The following TMEM170B variants were observed in gnomAD, a reference collection of about 807,000 sequenced individuals.
TMEM170B encodes transmembrane protein 170B.
Under a neutral mutation model 13.0 loss-of-function variants are expected in TMEM170B, and 6 were observed. That is an observed-to-expected ratio of 0.46 (90% CI 0.25 to 0.91). The LOEUF is 0.91. TMEM170B is among the 40% of genes least tolerant of loss of function. TMEM170B has a pLI of 0.17. For synonymous variants in TMEM170B, 61 were observed against 64.9 expected (o/e 0.94, Z 0.29); for missense variants, 138 against 165.2 (o/e 0.84, Z 0.90).
intron 2 of TMEM170B, among the ~76,000 whole-genome samples, chr6:11,573,714 C>G (rs1759837046): frequency 6.6e-6 from 1 of 152,074 alleles, no homozygotes; most frequent in Admixed American, 6.6e-5. Flanking sequence ...TGCTGTGGAT[C>G]ATGATTGAAA....
chr6:11,547,824 T>C (rs1167637608), intron 1 of TMEM170B, among the ~76,000 whole-genome samples: 1 of 152,218 alleles, frequency 6.6e-6, no homozygotes. Flanking sequence ...AACCATTTTC[T>C]GGATATGTCT....
intron 1 of TMEM170B, among the ~76,000 whole-genome samples, chr6:11,545,728 C>G (rs1298934950): frequency 6.6e-6 from 1 of 150,538 alleles, no homozygotes; most frequent in Non-Finnish European, 1.5e-5. Context: ...GAATGTACCC[C>G]TACTTGTTTA....
intron 1 of TMEM170B, among the ~76,000 whole-genome samples, chr6:11,552,197 A>G (rs910969411): frequency 6.6e-6 from 1 of 152,216 alleles, no homozygotes; most frequent in Admixed American, 6.5e-5. Flanking sequence ...TTTGTGATCA[A>G]TTTATAGCTA....
chr6:11,574,516 T>A (rs906799625), intron 2 of TMEM170B, among the ~76,000 whole-genome samples: 1 of 152,224 alleles, frequency 6.6e-6, no homozygotes, highest in Non-Finnish European at 1.5e-5. Flanking sequence ...TAACTTCTCG[T>A]CTTTGTCTTA....
intron 1 of TMEM170B, among the ~76,000 whole-genome samples, chr6:11,561,735 A>G (rs1377844701): frequency 6.6e-6 from 1 of 152,236 alleles, no homozygotes; most frequent in Non-Finnish European, 1.5e-5. Flanking sequence ...GAAATATAAA[A>G]GTAAATCTGA....
At chr6:11,541,147 A>G (rs1759355199) in intron 1 of TMEM170B, among the ~76,000 whole-genome samples, 1 of 152,164 alleles carries the variant, frequency 6.6e-6, no homozygotes, top group African/African-American at 2.4e-5. Context: ...TGGCTTTAAT[A>G]TAAAGTCACC....
At chr6:11,561,712 T>A (rs554293676) in intron 1 of TMEM170B, among the ~76,000 whole-genome samples, 2 of 152,262 alleles carry the variant, frequency 1.3e-5, no homozygotes, top group African/African-American at 4.8e-5. Flanking sequence ...TATGATTTTT[T>A]AAAAGAGAGA....
chr6:11,571,267 C>G (rs1282730878), intron 2 of TMEM170B, among the ~76,000 whole-genome samples: 1 of 151,810 alleles, frequency 6.6e-6, no homozygotes, highest in Non-Finnish European at 1.5e-5. Flanking sequence ...CTTACTGTAC[C>G]CTTGAACTTC....
chr6:11,540,480 A>G (rs769201711), intron 1 of TMEM170B, among the ~76,000 whole-genome samples: 2 of 152,156 alleles, frequency 1.3e-5, no homozygotes, highest in Non-Finnish European at 2.9e-5. Context: ...CATCCATTCA[A>G]ACTTTATCAT....
At position 11,577,774 on chromosome 6, in the gene TMEM170B, T is replaced by C. The variant is rs993318104; in HGVS notation, c.*2213T>C. 19 of 151,602 alleles carry C rather than the reference T, an allele frequency of 1.3e-4. No individual in the cohort carries two copies. The highest frequency in any genetic ancestry group is 3.9e-4 in the African/African-American group (16 of 41,432). 9.4% of individuals were successfully genotyped at this position (151,602 alleles called of 1,614,324 possible). Reference sequence around the variant, plus strand: ...TAGTTTGTAGAGTGTCCTGCAGTTATTATCAAGTTGCTTTACATTATCAAT... The same window carrying C: ...TAGTTTGTAGAGTGTCCTGCAGTTACTATCAAGTTGCTTTACATTATCAAT... On this transcript the variant is annotated 3_prime_UTR_variant, in exon 3 of 3. Transcript: ENST00000379426.
rs1187129575 is a variant in TMEM170B at position 11,576,644 on chromosome 6, T to C, written c.*1083T>C. 1.3e-5 allele frequency: 2 copies of C among 152,176 alleles called. No individual in the cohort carries two copies. Among genetic ancestry groups the C allele is most frequent in the Non-Finnish European group, 2.9e-5 (2 of 67,984 alleles). 9.4% of individuals were successfully genotyped at this position (152,176 alleles called of 1,614,324 possible). A position where few individuals can be genotyped will look rare whatever the true frequency, so the allele number is the denominator to read the frequency against. On this transcript the variant is annotated 3_prime_UTR_variant, in exon 3 of 3. Coordinates refer to ENST00000379426, the MANE Select transcript of TMEM170B (RefSeq NM_001100829.3). The stretch of plus-strand genomic sequence containing the variant: ...GTAGAAATAAGTAACAAGTAAGTTA[T>C]ATAGGAAGAGTAATGAACTATTTTA...
At chr6:11,551,324 T>C (rs1008253858) in intron 1 of TMEM170B, among the ~76,000 whole-genome samples, 1 of 152,224 alleles carries the variant, frequency 6.6e-6, no homozygotes, top group Admixed American at 6.5e-5. Flanking sequence ...TGTATTCTAT[T>C]GGTCATACAC....
intron 1 of TMEM170B, among the ~76,000 whole-genome samples, chr6:11,553,714 TG>T (rs1419791035): frequency 6.6e-6 from 1 of 152,240 alleles, no homozygotes; most frequent in African/African-American, 2.4e-5. Context: ...TGTATGCATT[TG>T]CACATAAACT....
intron 1 of TMEM170B, among the ~76,000 whole-genome samples, chr6:11,556,405 A>G (rs1759587482): frequency 1.3e-5 from 2 of 152,140 alleles, no homozygotes; most frequent in Non-Finnish European, 2.9e-5. Flanking sequence ...GCAATGCTCC[A>G]TTGTAGCTTT....
chr6:11,545,280 CTGTG>C lies in TMEM170B; in HGVS notation c.97+6934_97+6937del, dbSNP rs1210551633. ...TTAAAAGGCTTCTCTCTCTCTCTCT[CTGTG>C]TGTGTGTGTGTGTGTGTGTGTGTGT... On this transcript the variant is annotated intron_variant, in intron 1 of 2. Coordinates refer to ENST00000379426, the MANE Select transcript of TMEM170B (RefSeq NM_001100829.3). Among the ~76,000 whole-genome samples, 159 of 139,774 alleles carry C rather than the reference CTGTG, an allele frequency of 1.1e-3. 1 individual carries two copies. The highest frequency in any genetic ancestry group is 1.3e-3 in the East Asian group (6 of 4,766). 91.7% of individuals were successfully genotyped at this position (139,774 alleles called of 152,430 possible). A position where few individuals can be genotyped will look rare whatever the true frequency, so the allele number is the denominator to read the frequency against.
At chr6:11,550,947 T>C (rs757452041) in intron 1 of TMEM170B, among the ~76,000 whole-genome samples, 2 of 152,210 alleles carry the variant, frequency 1.3e-5, no homozygotes, top group African/African-American at 2.4e-5. Context: ...GTATTAGTTA[T>C]CTATTGCTGA....
chr6:11,558,411 T>C (rs1759617473), intron 1 of TMEM170B, among the ~76,000 whole-genome samples: 1 of 152,194 alleles, frequency 6.6e-6, no homozygotes, highest in South Asian at 2.1e-4. Context: ...ATTTGAACAT[T>C]GTGTTTTAGA....
Position 11,576,209 on chromosome 6 carries a change from A to G in TMEM170B, c.*648A>G, listed in dbSNP as rs1759872294. 6.6e-6 allele frequency: 1 copy of G among 152,252 alleles called. No individual in the cohort carries two copies. The highest frequency in any genetic ancestry group is 2.4e-5 in the African/African-American group (1 of 41,452). The allele number at this position is 152,252 out of a possible 1,614,324, so 9.4% of individuals were successfully genotyped here. Reference sequence around the variant, plus strand: ...AACTGAAGACTAGCTCAACTGTTTTAAGAACTCAGAGTAGCTCTATAGGGT... The same window carrying G: ...AACTGAAGACTAGCTCAACTGTTTTGAGAACTCAGAGTAGCTCTATAGGGT... On this transcript the variant is annotated 3_prime_UTR_variant, in exon 3 of 3. Coordinates refer to ENST00000379426, the MANE Select transcript of TMEM170B (RefSeq NM_001100829.3).
In TMEM170B at chr6:11,578,499, C is replaced by T. The variant is rs1759908779; in HGVS notation, c.*2938C>T. 6.6e-6 allele frequency: 1 copy of T among 152,082 alleles called. No homozygotes were observed. The highest frequency in any genetic ancestry group is 1.5e-5 in the Non-Finnish European group (1 of 68,008). 9.4% of individuals were successfully genotyped at this position (152,082 alleles called of 1,614,324 possible). ...CCATAGATCACAGCTAGTCAGGAGG[C>T]CTCAAATAAACTGCAAATAATGCTT... On this transcript the variant is annotated 3_prime_UTR_variant, in exon 3 of 3. Coordinates refer to ENST00000379426, the MANE Select transcript of TMEM170B (RefSeq NM_001100829.3).
Sources: allele counts gnomAD v4.1 joint callset (sites outside exome capture counted in the v4.1 genomes callset), GRCh38; gene constraint gnomAD v4.1.1; transcripts MANE v1.5; gene names NCBI Gene and HGNC (gene_info 2026-07-23, HGNC 2026-07-21).